CCDC178: variants seen among roughly 807,000 people sequenced by gnomAD.
CCDC178 encodes the protein coiled-coil domain-containing protein 178.
In CCDC178, 126 loss-of-function variants were observed where a neutral mutation model predicts 117.4. The ratio of observed to expected loss-of-function variants is 1.07; its 90% CI spans 0.93 to 1.24. The LOEUF (loss-of-function observed/expected upper bound fraction) is 1.24, where lower values mean the gene tolerates loss of function less well. Among genes scored for constraint, CCDC178 ranks in the 50% most tolerant of loss-of-function variants. The pLI, the probability that CCDC178 is intolerant of heterozygous loss-of-function variation, is 0.00. For synonymous variants in CCDC178, 283 were observed against 313.4 expected (o/e 0.90, Z 1.02); for missense variants, 1,030 against 986.9 (o/e 1.04, Z -0.59).
At chr18:33,112,814 C>G (rs2057802777) in intron 20 of CCDC178, among the ~76,000 whole-genome samples, 1 of 151,812 alleles carries the variant, frequency 6.6e-6, no homozygotes, top group African/African-American at 2.4e-5. Flanking sequence ...GTATTTATGT[C>G]CAAGACAAAC....
chr18:33,435,128 G>GA (rs200060528), intron 2 of CCDC178, among the ~76,000 whole-genome samples: 21 of 151,602 alleles, frequency 1.4e-4, no homozygotes, highest in African/African-American at 3.4e-4. Context: ...TATTGGAGCA[G>GA]AAAAAAAACA....
intron 3 of CCDC178, among the ~76,000 whole-genome samples, chr18:33,406,498 C>T (rs1241983458): frequency 1.3e-5 from 2 of 151,686 alleles, no homozygotes; most frequent in East Asian, 3.9e-4. Context: ...TACATGGGAC[C>T]AAATTTGAGG....
At position 33,236,356 on chromosome 18, in the gene CCDC178, C is replaced by G. The variant is rs558515063; in HGVS notation, c.1593+8889G>C. 2.6e-5 allele frequency among the ~76,000 whole-genome samples: 4 copies of G among 152,206 alleles called. No homozygotes were observed. In the East Asian group the frequency reaches 7.7e-4, roughly 29 times the overall value. On this transcript the variant is annotated intron_variant, in intron 15 of 22. Transcript: ENST00000383096. ...TTGAATTACTATAAACCTGAATTATCTAAGGAAAATCTAGAAATTTATTTT... is the reference window on the plus strand; with the variant it reads ...TTGAATTACTATAAACCTGAATTATGTAAGGAAAATCTAGAAATTTATTTT...
chr18:33,184,731 C>G lies in CCDC178; in HGVS notation c.2238+27165G>C, dbSNP rs145172389. On this transcript the variant is annotated intron_variant, in intron 20 of 22. Coordinates refer to ENST00000383096, the MANE Select transcript of CCDC178 (RefSeq NM_001105528.4). ...CAATTATATTTCCTTTAGTGATGAA[C>G]TACCAGAGCACATTCTGTAATAGTG... is the stretch of plus-strand genomic sequence containing the variant. Among the ~76,000 whole-genome samples, 460 of 152,072 alleles carry G rather than the reference C, an allele frequency of 3.0e-3. 6 individuals carry two copies. The East Asian group carries it at 0.041, about 14-fold the overall frequency.
chr18:33,329,123 C>A (rs1219462853), intron 10 of CCDC178, among the ~76,000 whole-genome samples: 3 of 151,810 alleles, frequency 2.0e-5, no homozygotes, highest in Non-Finnish European at 1.5e-5. Flanking sequence ...TATAACTGAG[C>A]TTTGTGTGTT....
intron 19 of CCDC178, among the ~76,000 whole-genome samples, chr18:33,213,576 T>C (rs1333980037): frequency 6.6e-6 from 1 of 152,040 alleles, no homozygotes; most frequent in African/African-American, 2.4e-5. Flanking sequence ...TGACCACATG[T>C]ACTTTGTTCT....
At position 33,025,502 on chromosome 18, in the gene CCDC178, A is replaced by G. The variant is rs1245695321; in HGVS notation, c.2389-50821T>C. On this transcript the variant is annotated intron_variant, in intron 21 of 22. Transcript: ENST00000383096. Reference sequence around the variant, plus strand: ...AAATATTTGTAAGTCACTCACCTGAAAAAAAGACTAGGCTTTATTTAAAAA... The same window carrying G: ...AAATATTTGTAAGTCACTCACCTGAGAAAAAGACTAGGCTTTATTTAAAAA... Among the ~76,000 whole-genome samples, 6 of 152,128 alleles carry G rather than the reference A, an allele frequency of 3.9e-5. No homozygotes were observed. The East Asian group carries it at 7.7e-4, about 20-fold the overall frequency.
intron 7 of CCDC178, among the ~76,000 whole-genome samples, chr18:33,349,195 C>T (rs967882699): frequency 6.6e-6 from 1 of 151,588 alleles, no homozygotes; most frequent in Non-Finnish European, 1.5e-5. Flanking sequence ...ACAAATGACC[C>T]AAAATGTCTT....
intron 11 of CCDC178, among the ~76,000 whole-genome samples, chr18:33,295,076 C>G (rs1443764740): frequency 6.6e-6 from 1 of 152,126 alleles, no homozygotes; most frequent in Non-Finnish European, 1.5e-5. Context: ...ACTATGCAAA[C>G]TCTGCAATCA....
intron 15 of CCDC178, among the ~76,000 whole-genome samples, chr18:33,232,883 T>G (rs2059383230): frequency 1.3e-5 from 2 of 152,196 alleles, no homozygotes; most frequent in Non-Finnish European, 2.9e-5. Flanking sequence ...CATTAATTTT[T>G]AAAAATTCTA....
In CCDC178 at chr18:33,412,011, T is replaced by A. The variant is rs1179627717; in HGVS notation, c.58+20A>T. On this transcript the variant is annotated intron_variant, in intron 3 of 22. Coordinates refer to ENST00000383096, the MANE Select transcript of CCDC178 (RefSeq NM_001105528.4). ...ATCTATGAACTATTTTCAAAGAAAA[T>A]CAATTTATGATAAACTTACCTATAT... 2 of 1,290,336 alleles carry A rather than the reference T, an allele frequency of 1.5e-6. No homozygotes were observed. The highest frequency in any genetic ancestry group is 2.7e-5 in the South Asian group (2 of 72,804). 79.9% of individuals were successfully genotyped at this position (1,290,336 alleles called of 1,614,324 possible).
chr18:32,998,186 T>C (rs1252931145), intron 21 of CCDC178, among the ~76,000 whole-genome samples: 1 of 152,212 alleles, frequency 6.6e-6, no homozygotes, highest in Non-Finnish European at 1.5e-5. Flanking sequence ...AGAGTGATTG[T>C]GGGACTTTGC....
At chr18:33,161,076 C>G (rs2058456387) in intron 20 of CCDC178, among the ~76,000 whole-genome samples, 1 of 151,930 alleles carries the variant, frequency 6.6e-6, no homozygotes, top group Non-Finnish European at 1.5e-5. Context: ...ACTGTTCTAG[C>G]CTTGTACATA....
intron 20 of CCDC178, among the ~76,000 whole-genome samples, chr18:33,168,187 G>A (rs949138199): frequency 1.3e-5 from 2 of 152,102 alleles, no homozygotes; most frequent in Non-Finnish European, 2.9e-5. Context: ...GTATTTCCTA[G>A]GTTATCTTCC....
intron 21 of CCDC178, among the ~76,000 whole-genome samples, chr18:33,030,320 A>G (rs2056310902): frequency 6.6e-6 from 1 of 151,936 alleles, no homozygotes; most frequent in Non-Finnish European, 1.5e-5. Context: ...TCATTTTTCC[A>G]TTCTTTTACT....
intron 12 of CCDC178, 65 bp downstream of exon 12, chr18:33,293,094 A>G (rs1244273726): frequency 8.7e-7 from 1 of 1,155,494 alleles, no homozygotes; most frequent in Non-Finnish European, 1.2e-6. Flanking sequence ...TATTGACAAA[A>G]AAGTTTACTA....
chr18:32,998,616 T>A (rs1229989215), intron 21 of CCDC178, among the ~76,000 whole-genome samples: 1 of 152,108 alleles, frequency 6.6e-6, no homozygotes, highest in Non-Finnish European at 1.5e-5. Context: ...AAGAAGACAT[T>A]GTCTTGCAAC....
intron 21 of CCDC178, among the ~76,000 whole-genome samples, chr18:32,993,963 C>T (rs1379152235): frequency 6.6e-6 from 1 of 152,082 alleles, no homozygotes; most frequent in Non-Finnish European, 1.5e-5. Context: ...TTCTGTACAA[C>T]ACAGTCCTGT....
chr18:33,133,162 A>G (rs1430671749), intron 20 of CCDC178, among the ~76,000 whole-genome samples: 1 of 151,864 alleles, frequency 6.6e-6, no homozygotes, highest in Non-Finnish European at 1.5e-5. Flanking sequence ...GAGAGCTCAG[A>G]TATGATTTCA....
Sources: allele counts gnomAD v4.1 joint callset (sites outside exome capture counted in the v4.1 genomes callset), GRCh38; gene constraint gnomAD v4.1.1; transcripts MANE v1.5; gene names NCBI Gene and HGNC (gene_info 2026-07-23, HGNC 2026-07-21).